The following SIPA1L2 variants were observed in gnomAD, a reference collection of about 807,000 sequenced individuals.
SIPA1L2 encodes the protein signal-induced proliferation-associated 1-like protein 2.
SIPA1L2 carries 56 observed loss-of-function variants against 163.9 expected under a neutral mutation model. That is an observed-to-expected ratio of 0.34 (90% CI 0.28 to 0.43). SIPA1L2 has a LOEUF of 0.43. SIPA1L2 is among the 20% of genes least tolerant of loss of function. The probability of loss-of-function intolerance (pLI) is 1.00; values close to 1 mark genes in which losing one functional copy is unlikely to be tolerated. For missense variants in SIPA1L2, 1,974 were observed against 2,193.5 expected, an observed-to-expected ratio of 0.90 and a Z score of 2.00; for synonymous variants, 877 against 865.7, an observed-to-expected ratio of 1.01 and a Z score of -0.23.
At chr1:232,603,732 T>C (rs1354247977) in intron 1 of SIPA1L2, among the ~76,000 whole-genome samples, 1 of 152,036 alleles carries the variant, frequency 6.6e-6, no homozygotes, top group African/African-American at 2.4e-5. Flanking sequence ...TTCCAGGCCC[T>C]GCCATCCACT....
At chr1:232,431,116 G>C (rs1662211766) in intron 16 of SIPA1L2, among the ~76,000 whole-genome samples, 1 of 152,134 alleles carries the variant, frequency 6.6e-6, no homozygotes. Context: ...CCTAAACATA[G>C]TACTACGGCG....
At chr1:232,441,525 C>T (rs72759308) in intron 13 of SIPA1L2, 131 bp from the exon 14 acceptor site, 194 of 844,536 alleles carry the variant, frequency 2.3e-4, no homozygotes, top group Non-Finnish European at 2.5e-4. Context: ...TCTGGTCTTA[C>T]CAATGGATAT....
intron 2 of SIPA1L2, among the ~76,000 whole-genome samples, chr1:232,521,814 C>T (rs1667471333): frequency 6.6e-6 from 1 of 152,174 alleles, no homozygotes; most frequent in Admixed American, 6.5e-5. Context: ...CCTGCCTTCT[C>T]TTTTAATTTT....
chr1:232,416,055 T>C lies in SIPA1L2; in HGVS notation c.4631-430A>G, dbSNP rs868331777. 2.8e-3 allele frequency among the ~76,000 whole-genome samples: 151 copies of C among 54,802 alleles called. 15 individuals are homozygous for C. The highest frequency in any genetic ancestry group is 0.017 in the African/African-American group (117 of 6,774). 36.0% of individuals were successfully genotyped at this position (54,802 alleles called of 152,430 possible). A position where few individuals can be genotyped will look rare whatever the true frequency, so the allele number is the denominator to read the frequency against. On this transcript the variant is annotated intron_variant, in intron 18 of 22. Coordinates refer to ENST00000674635, the MANE Select transcript of SIPA1L2 (RefSeq NM_020808.5). ...GTCAGTCAGAACACGGGCACCACTG[T>C]CCCTCCCAGAGTCAGTCAGTCAGAA...
intron 17 of SIPA1L2, 21 bp from the exon 18 acceptor site, chr1:232,425,829 G>A (rs749640828): frequency 6.2e-6 from 10 of 1,604,816 alleles, no homozygotes; most frequent in Non-Finnish European, 7.7e-6. Flanking sequence ...AACAAGGTGC[G>A]AGGAGGGAAC....
chr1:232,492,801 G>A (rs1665997675), intron 4 of SIPA1L2, among the ~76,000 whole-genome samples: 2 of 152,102 alleles, frequency 1.3e-5, no homozygotes, highest in South Asian at 4.1e-4. Flanking sequence ...GATTTTACAG[G>A]CTCATCAACG....
intron 1 of SIPA1L2, among the ~76,000 whole-genome samples, chr1:232,606,895 A>G (rs2102866139): frequency 6.6e-6 from 1 of 152,080 alleles, no homozygotes; most frequent in East Asian, 1.9e-4. Context: ...TTACATCTAT[A>G]TCTAATAAAC....
intron 12 of SIPA1L2, 82 bp from the exon 13 acceptor site, chr1:232,441,950 T>C (rs984643534): frequency 5.8e-6 from 7 of 1,212,834 alleles, no homozygotes; most frequent in South Asian, 1.3e-5. Context: ...GGCTTCCAAG[T>C]AGGCTATGCG....
chr1:232,487,661 C>T (rs1029630586), intron 5 of SIPA1L2, among the ~76,000 whole-genome samples: 4 of 152,132 alleles, frequency 2.6e-5, no homozygotes, highest in South Asian at 4.2e-4. Context: ...GAACTGCAGA[C>T]GTGAAATTAT....
At chr1:232,451,509 C>T (rs1572917300) in intron 10 of SIPA1L2, among the ~76,000 whole-genome samples, 1 of 152,162 alleles carries the variant, frequency 6.6e-6, no homozygotes, top group African/African-American at 2.4e-5. Context: ...TGCCCAAAAA[C>T]CTAGCACAAA....
Position 232,513,724 on chromosome 1 carries a change from A to G in SIPA1L2, c.1483+133T>C, listed in dbSNP as rs1352963962. The G allele has an allele frequency of 5.4e-6, 5 of 920,472 alleles. No individual in the cohort carries two copies. The African/African-American group carries it at 8.3e-5, about 15-fold the overall frequency. The allele number at this position is 920,472 out of a possible 1,614,324, so 57.0% of individuals were successfully genotyped here. A position where few individuals can be genotyped will look rare whatever the true frequency, so the allele number is the denominator to read the frequency against. ...AAGCTATGGAGGGACCATGATGGAGAACAAGGTCAGGCCCAGTGGACTATG... is the reference window on the plus strand; with the variant it reads ...AAGCTATGGAGGGACCATGATGGAGGACAAGGTCAGGCCCAGTGGACTATG... On this transcript the variant is annotated intron_variant, in intron 3 of 22. Transcript: ENST00000674635.
At chr1:232,619,186 A>G (rs10737204) in intron 1 of SIPA1L2, among the ~76,000 whole-genome samples, 77,431 of 152,028 alleles carry the variant, frequency 0.51, 19,973 homozygotes, top group African/African-American at 0.58. Flanking sequence ...GTTTCCCTGC[A>G]CACAAGAGGC....
chr1:232,490,652 TA>T, intron 5 of SIPA1L2: 1 of 465,670 alleles, frequency 2.1e-6, no homozygotes, highest in East Asian at 3.6e-5. Flanking sequence ...AAAACCTTGG[TA>T]ATAACAAAAA....
intron 1 of SIPA1L2, among the ~76,000 whole-genome samples, chr1:232,617,836 T>C (rs964637878): frequency 1.3e-5 from 2 of 152,262 alleles, no homozygotes; most frequent in Non-Finnish European, 2.9e-5. Flanking sequence ...TTTCACTCTA[T>C]ACCTTTTACT....
chr1:232,528,900 G>A (rs1238442241), intron 2 of SIPA1L2, among the ~76,000 whole-genome samples: 2 of 152,126 alleles, frequency 1.3e-5, no homozygotes, highest in Admixed American at 6.5e-5. Context: ...CCCTTGTACA[G>A]AGAGCACTGT....
At position 232,514,195 on chromosome 1, in the gene SIPA1L2, C is replaced by G; in HGVS notation, c.1145G>C (p.Gly382Ala). The G allele has an allele frequency of 6.2e-7, 1 of 1,614,160 alleles. No homozygotes were observed. Among genetic ancestry groups the G allele is most frequent in the Non-Finnish European group, 8.5e-7 (1 of 1,180,026 alleles). Reference sequence around the variant, plus strand: ...TTTGGAGTTGAGGTCCTCCTTGCTCCCTAAAGGGGACTCACAGTTGCCTGT... The same window carrying G: ...TTTGGAGTTGAGGTCCTCCTTGCTCGCTAAAGGGGACTCACAGTTGCCTGT... ...GQTGNCESPL[G>A]SKEDLNSKEN... is the part of the protein sequence containing the mutation. Residue 382 changes from glycine (G) to alanine (A), a missense_variant, in exon 3 of 23, where the codon GGG (glycine) becomes GCG (alanine). Gly to Ala is a moderately conservative substitution (Grantham distance 60). Coordinates refer to ENST00000674635, the MANE Select transcript of SIPA1L2 (RefSeq NM_020808.5).
chr1:232,447,646 A>T (rs1205878862), intron 10 of SIPA1L2, among the ~76,000 whole-genome samples: 2 of 152,212 alleles, frequency 1.3e-5, no homozygotes, highest in Non-Finnish European at 2.9e-5. Context: ...GTCTATTTAC[A>T]ACCAGGATGG....
chr1:232,404,977 T>G (rs1301125248), intron 19 of SIPA1L2, among the ~76,000 whole-genome samples: 1 of 152,230 alleles, frequency 6.6e-6, no homozygotes, highest in Non-Finnish European at 1.5e-5. Context: ...GAGACTGCAC[T>G]TGGATCCGTG....
intron 3 of SIPA1L2, among the ~76,000 whole-genome samples, chr1:232,497,266 CA>C (rs1666244805): frequency 6.6e-6 from 1 of 152,150 alleles, no homozygotes; most frequent in African/African-American, 2.4e-5. Context: ...ATTTACTTCT[CA>C]AAACTCTCAG....
Sources: allele counts gnomAD v4.1 joint callset (sites outside exome capture counted in the v4.1 genomes callset), GRCh38; gene constraint gnomAD v4.1.1; transcripts MANE v1.5; gene names NCBI Gene and HGNC (gene_info 2026-07-23, HGNC 2026-07-21).